Variants in NKAIN3 observed in about 807,000 individuals in gnomAD.
NKAIN3 encodes sodium/potassium transporting ATPase interacting 3, also known as sodium/potassium-transporting ATPase subunit beta-1-interacting protein 3.
In NKAIN3, 25 loss-of-function variants were observed where a neutral mutation model predicts 30.2. The ratio of observed to expected loss-of-function variants is 0.83; its 90% confidence interval spans 0.60 to 1.16. NKAIN3 has a LOEUF of 1.16. NKAIN3 is among the 50% of genes most tolerant of loss of function. The probability of loss-of-function intolerance (pLI) is 0.00; values close to 1 mark genes in which losing one functional copy is unlikely to be tolerated. For missense variants in NKAIN3, 225 were observed against 254.1 expected (o/e 0.89, Z 0.78); for synonymous variants, 91 against 89.6 (o/e 1.02, Z -0.09).
intron 1 of NKAIN3, among the ~76,000 whole-genome samples, chr8:62,273,225 T>C (rs1812829875): frequency 6.6e-6 from 1 of 152,240 alleles, no homozygotes; most frequent in East Asian, 1.9e-4. Context: ...TATTATTTTG[T>C]TGATTTCAGC....
intron 1 of NKAIN3, among the ~76,000 whole-genome samples, chr8:62,555,184 TA>T (rs1323341065): frequency 2.2e-4 from 34 of 152,064 alleles, no homozygotes; most frequent in African/African-American, 8.0e-4. Flanking sequence ...CTCCCAAAGA[TA>T]AAATTTCAAA....
intron 1 of NKAIN3, among the ~76,000 whole-genome samples, chr8:62,345,346 CACATATACACATATATGT>C (rs1815907597): frequency 3.4e-4 from 4 of 11,912 alleles, no homozygotes; most frequent in South Asian, 5.3e-3. Flanking sequence ...TATATATACA[CACATATACACATATATGT>C]ATATATACAC....
intron 1 of NKAIN3, among the ~76,000 whole-genome samples, chr8:62,347,762 A>G (rs1816048013): frequency 6.6e-6 from 1 of 152,138 alleles, no homozygotes; most frequent in South Asian, 2.1e-4. Flanking sequence ...CAAGGAAGAT[A>G]TGATAGGCTC....
chr8:62,541,402 A>T (rs1394825201), intron 1 of NKAIN3, among the ~76,000 whole-genome samples: 4 of 152,206 alleles, frequency 2.6e-5, no homozygotes, highest in Non-Finnish European at 2.9e-5. Context: ...TACCTGTAGA[A>T]CATCTCCTTC....
At chr8:62,812,591 A>G (rs1032873557) in intron 4 of NKAIN3, among the ~76,000 whole-genome samples, 48 of 151,684 alleles carry the variant, frequency 3.2e-4, no homozygotes, top group African/African-American at 1.1e-3. Context: ...TCACTCACTT[A>G]TTAGTTCTAG....
chr8:62,596,477 T>C (rs1165166730), intron 3 of NKAIN3, among the ~76,000 whole-genome samples: 3 of 152,078 alleles, frequency 2.0e-5, no homozygotes, highest in African/African-American at 4.8e-5. Context: ...TCCTGATGTT[T>C]GACAGGTGTT....
chr8:62,460,386 G>T (rs1446710909), intron 1 of NKAIN3, among the ~76,000 whole-genome samples: 1 of 148,952 alleles, frequency 6.7e-6, no homozygotes, highest in East Asian at 2.0e-4. Flanking sequence ...ACTCCAGCCT[G>T]GGTGACAAGA....
At chr8:62,934,250 G>A (rs1822714040) in intron 5 of NKAIN3, among the ~76,000 whole-genome samples, 1 of 151,926 alleles carries the variant, frequency 6.6e-6, no homozygotes, top group Non-Finnish European at 1.5e-5. Flanking sequence ...AAGTAGCAGG[G>A]TGTGCTGGTG....
chr8:62,895,428 A>G (rs549195978), intron 4 of NKAIN3, among the ~76,000 whole-genome samples: 12 of 152,356 alleles, frequency 7.9e-5, no homozygotes, highest in African/African-American at 2.6e-4. Flanking sequence ...AGAGTCTACT[A>G]GAAATGCAGA....
At chr8:62,324,451 A>G (rs896549629) in intron 1 of NKAIN3, among the ~76,000 whole-genome samples, 1 of 152,102 alleles carries the variant, frequency 6.6e-6, no homozygotes, top group African/African-American at 2.4e-5. Flanking sequence ...ACTAATTTCA[A>G]CTGACCTTTC....
chr8:62,589,442 A>G (rs1462337977), intron 2 of NKAIN3, among the ~76,000 whole-genome samples: 1 of 151,796 alleles, frequency 6.6e-6, no homozygotes, highest in Non-Finnish European at 1.5e-5. Context: ...AAATCAAATC[A>G]ACACTTTGGT....
At chr8:62,310,796 C>T (rs1247075143) in intron 1 of NKAIN3, among the ~76,000 whole-genome samples, 1 of 150,324 alleles carries the variant, frequency 6.7e-6, no homozygotes, top group Non-Finnish European at 1.5e-5. Flanking sequence ...GACCCTGAAT[C>T]AACCAGCGAG....
chr8:62,347,666 G>A (rs529006632), intron 1 of NKAIN3, among the ~76,000 whole-genome samples: 11 of 152,084 alleles, frequency 7.2e-5, no homozygotes, highest in Non-Finnish European at 1.5e-4. Context: ...AATAATGCCA[G>A]ACAAAGTGTA....
At chr8:62,392,934 A>T (rs1817620667) in intron 1 of NKAIN3, among the ~76,000 whole-genome samples, 1 of 152,104 alleles carries the variant, frequency 6.6e-6, no homozygotes, top group Admixed American at 6.5e-5. Context: ...TAACAGCAGT[A>T]CAAATCTTCA....
At chr8:62,426,879 G>T (rs2129597203) in intron 1 of NKAIN3, among the ~76,000 whole-genome samples, 1 of 152,058 alleles carries the variant, frequency 6.6e-6, no homozygotes, top group Non-Finnish European at 1.5e-5. Context: ...GAAATTATGT[G>T]CTACCCACAT....
At chr8:62,570,495 G>A (rs954719353) in intron 1 of NKAIN3, among the ~76,000 whole-genome samples, 6 of 152,104 alleles carry the variant, frequency 3.9e-5, no homozygotes, top group Non-Finnish European at 7.3e-5. Context: ...CATGGCTGAA[G>A]GTGAAAGGCA....
At chr8:62,327,451 G>A (rs1815180857) in intron 1 of NKAIN3, among the ~76,000 whole-genome samples, 1 of 152,008 alleles carries the variant, frequency 6.6e-6, no homozygotes, top group African/African-American at 2.4e-5. Flanking sequence ...TAGGTTAGCT[G>A]TAACATTTAG....
chr8:62,783,490 A>G (rs1817420970), intron 4 of NKAIN3, among the ~76,000 whole-genome samples: 1 of 152,124 alleles, frequency 6.6e-6, no homozygotes, highest in Non-Finnish European at 1.5e-5. Context: ...GTGGAGCAGA[A>G]TGAGACACAG....
chr8:62,348,332 T>C (rs1816072884), intron 1 of NKAIN3, among the ~76,000 whole-genome samples: 1 of 152,220 alleles, frequency 6.6e-6, no homozygotes, highest in South Asian at 2.1e-4. Context: ...TATTTGTAGA[T>C]GACATAATTT....
Sources: gnomAD v4.1 joint callset for allele counts (sites outside exome capture counted in the v4.1 genomes callset) on GRCh38, gnomAD v4.1.1 for gene constraint, MANE v1.5 for transcripts, NCBI Gene and HGNC (gene_info 2026-07-23, HGNC 2026-07-21) for gene names.